The following TBC1D19 variants were observed in gnomAD, a reference collection of about 807,000 sequenced individuals.
TBC1D19 encodes TBC1 domain family member 19.
In TBC1D19, 60 loss-of-function variants were observed where a neutral mutation model predicts 89.0. The observed-to-expected ratio is 0.67, with a 90% confidence interval of 0.55 to 0.84. TBC1D19 has a LOEUF of 0.84. Among genes scored for constraint, TBC1D19 ranks in the 40% least tolerant of loss-of-function variants. The pLI, the probability that TBC1D19 is intolerant of heterozygous loss-of-function variation, is 0.00. For missense variants in TBC1D19, 500 were observed against 610.8 expected, an observed-to-expected ratio of 0.82 and a Z score of 1.91; for synonymous variants, 189 against 199.7, an observed-to-expected ratio of 0.95 and a Z score of 0.45.
chr4:26,801,047 A>G, the TBC1D19 span, among the ~76,000 whole-genome samples: 1 of 152,184 alleles, frequency 6.6e-6, no homozygotes, highest in Admixed American at 6.5e-5. Flanking sequence ...TTTTGTTGCC[A>G]TTGCTTTTGG....
At chr4:26,798,156 A>G in the TBC1D19 span, among the ~76,000 whole-genome samples, 1 of 152,146 alleles carries the variant, frequency 6.6e-6, no homozygotes, top group Admixed American at 6.5e-5. Flanking sequence ...CTGACAAAGG[A>G]CTAATATCCA....
intron 13 of TBC1D19, among the ~76,000 whole-genome samples, chr4:26,693,827 A>G (rs1039369410): frequency 3.3e-5 from 5 of 152,254 alleles, no homozygotes; most frequent in Non-Finnish European, 7.3e-5. Context: ...AATTGAAATG[A>G]AAATTTTACT....
chr4:26,619,438 C>A (rs1353610600), intron 3 of TBC1D19, among the ~76,000 whole-genome samples: 1 of 152,122 alleles, frequency 6.6e-6, no homozygotes, highest in Non-Finnish European at 1.5e-5. Context: ...AGCTCCTGAC[C>A]TCGTGATCCA....
At chr4:26,580,118 C>T (rs1055490574), upstream of TBC1D19, among the ~76,000 whole-genome samples, 9 of 152,218 alleles carry the variant, frequency 5.9e-5, no homozygotes, top group African/African-American at 2.2e-4. Context: ...GAGCCAGTAG[C>T]CCAGTCCTCC....
At chr4:26,684,158 A>G (rs949958567) in intron 12 of TBC1D19, among the ~76,000 whole-genome samples, 1 of 152,056 alleles carries the variant, frequency 6.6e-6, no homozygotes, top group Non-Finnish European at 1.5e-5. Context: ...AATTTCTTTT[A>G]GTTTCTAGAC....
chr4:26,701,283 A>C (rs1001631921), intron 13 of TBC1D19, among the ~76,000 whole-genome samples: 2 of 151,026 alleles, frequency 1.3e-5, no homozygotes, highest in Non-Finnish European at 3.0e-5. Flanking sequence ...ATTTACTCAG[A>C]TACACCTTCC....
At chr4:26,778,149 C>A in the TBC1D19 span, among the ~76,000 whole-genome samples, 1 of 151,502 alleles carries the variant, frequency 6.6e-6, no homozygotes, top group East Asian at 2.0e-4. Context: ...GACACAGTGG[C>A]TCATGCCTGT....
the TBC1D19 span, among the ~76,000 whole-genome samples, chr4:26,828,689 C>G: frequency 5.3e-5 from 8 of 152,326 alleles, no homozygotes; most frequent in African/African-American, 1.9e-4. Flanking sequence ...ATTACTTGAC[C>G]ACTCCGTGCA....
the TBC1D19 span, among the ~76,000 whole-genome samples, chr4:26,837,005 C>T: frequency 1.3e-5 from 2 of 152,184 alleles, no homozygotes; most frequent in Admixed American, 6.5e-5. Flanking sequence ...CCCATATTGC[C>T]TTGAAGACAG....
At chr4:26,760,646 C>A (rs1224345054), downstream of TBC1D19, among the ~76,000 whole-genome samples, 1 of 152,060 alleles carries the variant, frequency 6.6e-6, no homozygotes, top group African/African-American at 2.4e-5. Context: ...TTCTCCCAGC[C>A]TATAGGATAT....
chr4:26,601,585 C>T (rs766541292), intron 1 of TBC1D19, among the ~76,000 whole-genome samples: 3 of 152,122 alleles, frequency 2.0e-5, no homozygotes, highest in African/African-American at 7.2e-5. Flanking sequence ...CAGAGGGTCT[C>T]TCTTATAGGG....
the TBC1D19 span, among the ~76,000 whole-genome samples, chr4:26,849,534 G>A: frequency 1.3e-5 from 2 of 152,050 alleles, no homozygotes; most frequent in African/African-American, 4.8e-5. Flanking sequence ...TTTTTACCCT[G>A]ATTATCACAT....
At chr4:26,711,861 T>C (rs1317889948) in intron 13 of TBC1D19, among the ~76,000 whole-genome samples, 1 of 152,116 alleles carries the variant, frequency 6.6e-6, no homozygotes, top group Non-Finnish European at 1.5e-5. Flanking sequence ...CAGGTTAGAA[T>C]AAGAGTTGGC....
intron 16 of TBC1D19, among the ~76,000 whole-genome samples, chr4:26,736,402 G>C (rs1718048449): frequency 7.0e-6 from 1 of 143,868 alleles, no homozygotes; most frequent in African/African-American, 2.6e-5. Flanking sequence ...TGTGGGGTTG[G>C]GGGAGGGGGG....
At chr4:26,620,482 T>C (rs1005066318) in intron 3 of TBC1D19, 131 bp from the exon 4 acceptor site, 1 of 725,198 alleles carries the variant, frequency 1.4e-6, no homozygotes, top group Non-Finnish European at 2.2e-6. Context: ...ATTTTCTTAA[T>C]AAAAACAGTA....
At chr4:26,579,821 C>T (rs575465994), upstream of TBC1D19, among the ~76,000 whole-genome samples, 4 of 152,264 alleles carry the variant, frequency 2.6e-5, no homozygotes, top group South Asian at 8.3e-4. Flanking sequence ...CATCTTCTTT[C>T]CTGCCTTTCA....
the TBC1D19 span, among the ~76,000 whole-genome samples, chr4:26,836,765 A>G: frequency 2.0e-5 from 3 of 152,230 alleles, no homozygotes. Flanking sequence ...AGTTCCAGCC[A>G]TGTCCCTTTG....
chr4:26,650,878 G>A (rs1481967010), intron 7 of TBC1D19, among the ~76,000 whole-genome samples: 1 of 152,120 alleles, frequency 6.6e-6, no homozygotes, highest in African/African-American at 2.4e-5. Flanking sequence ...AATCCATCTT[G>A]AATTAATTTT....
chr4:26,718,199 C>G (rs565081046), intron 14 of TBC1D19, among the ~76,000 whole-genome samples, 182 bp downstream of exon 14: 1 of 152,146 alleles, frequency 6.6e-6, no homozygotes, highest in Admixed American at 6.6e-5. Flanking sequence ...TCACAAATCA[C>G]GGGAAAGTGG....
Sources: allele counts gnomAD v4.1 joint callset (sites outside exome capture counted in the v4.1 genomes callset), GRCh38; gene constraint gnomAD v4.1.1; transcripts MANE v1.5; gene names NCBI Gene and HGNC (gene_info 2026-07-23, HGNC 2026-07-21).